Variants in HIP1 observed in about 807,000 individuals in gnomAD.
HIP1 encodes huntingtin-interacting protein 1.
A neutral mutation model predicts 147.6 loss-of-function variants in HIP1; 65 were observed. The observed-to-expected ratio is 0.44, with a 90% confidence interval of 0.36 to 0.54. HIP1 has a LOEUF of 0.54. Among genes scored for constraint, HIP1 ranks in the 20% least tolerant of loss-of-function variants. HIP1 has a pLI of 0.00. For missense variants in HIP1, 1,061 were observed against 1,299.6 expected (o/e 0.82, Z 2.82); for synonymous variants, 479 against 504.0 (o/e 0.95, Z 0.67).
At chr7:75,648,642 C>T (rs1798879794) in intron 1 of HIP1, among the ~76,000 whole-genome samples, 1 of 152,052 alleles carries the variant, frequency 6.6e-6, no homozygotes, top group African/African-American at 2.4e-5. Flanking sequence ...CCCTAAGCTG[C>T]CGGAAGTCAG....
At position 75,554,192 on chromosome 7, in the gene HIP1, G is replaced by A; in HGVS notation, c.2079C>T (p.Thr693=). ...CGTCGCTGGTCAAGTGGGCCAGCAG[G>A]GTTATGGAATGGAGAAGTCCACTGA... is the stretch of plus-strand genomic sequence containing the variant. ...EDISGLLHSI[T]LLAHLTSDAI... Residue 693 remains threonine (T), a synonymous_variant, in exon 21 of 31, where the codon ACC becomes ACT. Transcript: ENST00000336926. 6.2e-7 allele frequency: 1 copy of A among 1,614,036 alleles called. No individual in the cohort carries two copies. The highest frequency in any genetic ancestry group is 1.1e-5 in the South Asian group (1 of 91,078).
At chr7:75,663,495 C>T (rs898895622) in intron 1 of HIP1, among the ~76,000 whole-genome samples, 18 of 151,718 alleles carry the variant, frequency 1.2e-4, no homozygotes, top group East Asian at 7.8e-4. Context: ...GCAGGCGAGG[C>T]GGACTGATGT....
intron 1 of HIP1, among the ~76,000 whole-genome samples, chr7:75,694,505 CTTT>C (rs11286111): frequency 6.0e-5 from 7 of 117,526 alleles, no homozygotes; most frequent in Admixed American, 2.8e-4. Flanking sequence ...TTCTTTCTTT[CTTT>C]TTTTTTTTTT....
At position 75,561,384 on chromosome 7, in the gene HIP1, C is replaced by T. The variant is rs782336926; in HGVS notation, c.1136G>A (p.Arg379Gln). ...NKDEKDHLIE[R>Q]LYREISGLKA... ...CAATCCACTGATCTCTCTGTATAGT[C>T]GCTCAATTAAGTGGTCCCTGGGAAG... Residue 379 changes from arginine to glutamine, a missense_variant, in exon 13 of 31, where the codon CGA becomes CAA. Arg to Gln is a conservative substitution (Grantham distance 43). Coordinates refer to ENST00000336926, the MANE Select transcript of HIP1 (RefSeq NM_005338.7). 10 of 1,612,526 alleles carry T rather than the reference C, an allele frequency of 6.2e-6. No homozygotes were observed. Among genetic ancestry groups the T allele is most frequent in the South Asian group, 1.1e-5 (1 of 91,050 alleles).
At chr7:75,643,292 G>A (rs957919914) in intron 1 of HIP1, among the ~76,000 whole-genome samples, 2 of 152,136 alleles carry the variant, frequency 1.3e-5, no homozygotes, top group East Asian at 1.9e-4. Context: ...GGGCTGTAAC[G>A]TTTACAAAAG....
chr7:75,591,931 A>T, intron 4 of HIP1, 125 bp downstream of exon 4: 1 of 809,948 alleles, frequency 1.2e-6, no homozygotes. Flanking sequence ...CGTCTCTGGC[A>T]CCCATGGGAG....
intron 18 of HIP1, 29 bp downstream of exon 18, chr7:75,555,997 G>A (rs782292779): frequency 1.9e-6 from 3 of 1,611,420 alleles, no homozygotes; most frequent in South Asian, 1.1e-5. Flanking sequence ...ATTCACAGGT[G>A]CTCGCTCGTG....
chr7:75,641,759 G>A (rs538613891), intron 1 of HIP1, among the ~76,000 whole-genome samples: 66 of 152,106 alleles, frequency 4.3e-4, no homozygotes, highest in Non-Finnish European at 8.2e-4. Context: ...GATTACAGGC[G>A]TGAGCCACTG....
rs80044818 is a variant in HIP1 at position 75,561,469 on chromosome 7, C to T, written c.1119-68G>A. ...ATCCCTCTGTTTTTAATTGTGAGCT[C>T]AGGGGAGGAAATTAAAAGCTGGTAT... On this transcript the variant is annotated intron_variant, in intron 12 of 30. Coordinates refer to ENST00000336926, the MANE Select transcript of HIP1 (RefSeq NM_005338.7). The T allele has an allele frequency of 1.6e-3, 1,637 of 1,014,998 alleles. 23 individuals are homozygous for T. The African/African-American group carries it at 0.023, about 14-fold the overall frequency. 62.9% of individuals were successfully genotyped at this position (1,014,998 alleles called of 1,614,324 possible). A position where few individuals can be genotyped will look rare whatever the true frequency, so the allele number is the denominator to read the frequency against.
rs1454594651 is a variant in HIP1 at position 75,536,671 on chromosome 7, C to G, written c.*1501G>C. The G allele has an allele frequency of 4.4e-6, 1 of 229,048 alleles. No individual in the cohort carries two copies. The highest frequency in any genetic ancestry group is 2.2e-5 in the African/African-American group (1 of 45,108). The allele number at this position is 229,048 out of a possible 1,614,324, so 14.2% of individuals were successfully genotyped here. A position where few individuals can be genotyped will look rare whatever the true frequency, so the allele number is the denominator to read the frequency against. ...GGCATGTGGCTGAAAGGAGTTGGAG[C>G]CGCTGGCTCTGTCCTTTCTCATTTT... On this transcript the variant is annotated 3_prime_UTR_variant, in exon 31 of 31. Transcript: ENST00000336926.
intron 1 of HIP1, among the ~76,000 whole-genome samples, chr7:75,618,484 A>G (rs1161608468): frequency 6.6e-6 from 1 of 151,978 alleles, no homozygotes; most frequent in African/African-American, 2.4e-5. Flanking sequence ...TGGGGGTTTC[A>G]CCATGTTGGC....
chr7:75,571,061 A>G (rs1795612641), intron 8 of HIP1, among the ~76,000 whole-genome samples: 1 of 152,224 alleles, frequency 6.6e-6, no homozygotes, highest in South Asian at 2.1e-4. Flanking sequence ...TATTGTAAAG[A>G]GTATCCCTCC....
rs3779428 is a variant in HIP1 at position 75,592,580 on chromosome 7, C to T, written c.185-66G>A. ...GTCACTGCAGGGGACTGAGCCTGCACCCAGCCACTGCAGGGGACTGAGCCT... is the reference window on the plus strand; with the variant it reads ...GTCACTGCAGGGGACTGAGCCTGCATCCAGCCACTGCAGGGGACTGAGCCT... On this transcript the variant is annotated intron_variant, in intron 2 of 30. Coordinates refer to ENST00000336926, the MANE Select transcript of HIP1 (RefSeq NM_005338.7). 3,473 of 1,493,938 alleles carry T rather than the reference C, an allele frequency of 2.3e-3. 89 individuals are homozygous for T. In the East Asian group the frequency reaches 0.058, roughly 25 times the overall value. 92.5% of individuals were successfully genotyped at this position (1,493,938 alleles called of 1,614,324 possible).
chr7:75,692,475 C>T (rs1187585519), intron 1 of HIP1, among the ~76,000 whole-genome samples: 1 of 151,626 alleles, frequency 6.6e-6, no homozygotes, highest in Admixed American at 6.6e-5. Flanking sequence ...GGCTGGAGTA[C>T]AGTGGCGCGA....
intron 1 of HIP1, among the ~76,000 whole-genome samples, chr7:75,706,614 C>T (rs1218684696): frequency 7.3e-6 from 1 of 136,376 alleles, no homozygotes; most frequent in Non-Finnish European, 1.5e-5. Flanking sequence ...CTACACCCAT[C>T]AACTCGTCAT....
intron 1 of HIP1, among the ~76,000 whole-genome samples, chr7:75,665,672 TGGGA>T (rs1799535544): frequency 6.6e-6 from 1 of 152,040 alleles, no homozygotes; most frequent in African/African-American, 2.4e-5. Context: ...CCCCAGTAGC[TGGGA>T]TTGCAGGCAT....
At chr7:75,567,986 AT>A (rs1241750803) in intron 9 of HIP1, among the ~76,000 whole-genome samples, 3 of 151,310 alleles carry the variant, frequency 2.0e-5, no homozygotes, top group African/African-American at 7.3e-5. Flanking sequence ...TTTGTTTTAC[AT>A]TTTTTTTCTG....
chr7:75,560,394 A>G (rs1554494352), intron 13 of HIP1, among the ~76,000 whole-genome samples: 1 of 152,088 alleles, frequency 6.6e-6, no homozygotes, highest in Admixed American at 6.6e-5. Context: ...CATTACAGGT[A>G]TGCACCACCA....
chr7:75,577,291 C>T (rs1554497874), intron 7 of HIP1, among the ~76,000 whole-genome samples: 1 of 140,676 alleles, frequency 7.1e-6, no homozygotes, highest in East Asian at 2.0e-4. Context: ...ATGATTGTGC[C>T]ACAGTACTCC....
Sources: gnomAD v4.1 joint callset for allele counts (sites outside exome capture counted in the v4.1 genomes callset) on GRCh38, gnomAD v4.1.1 for gene constraint, MANE v1.5 for transcripts, NCBI Gene and HGNC (gene_info 2026-07-23, HGNC 2026-07-21) for gene names.